TRAPPC6A: variants seen among roughly 807,000 people sequenced by gnomAD.
The protein encoded by TRAPPC6A is TRAPP complex subunit 6A.
TRAPPC6A carries 25 observed loss-of-function variants against 20.8 expected under a neutral mutation model. The ratio of observed to expected loss-of-function variants is 1.20; its 90% CI spans 0.88 to 1.68. The LOEUF (loss-of-function observed/expected upper bound fraction) is 1.68. TRAPPC6A is among the 40% of genes most tolerant of loss of function. TRAPPC6A has a pLI of 0.00. For missense variants in TRAPPC6A, 215 were observed against 211.6 expected, an observed-to-expected ratio of 1.02 and a Z score of -0.10; for synonymous variants, 96 against 93.3, an observed-to-expected ratio of 1.03 and a Z score of -0.16.
rs553868281 is a variant in TRAPPC6A, at chr19:45,173,207, C to T, written c.84+4928G>A. Among the ~76,000 whole-genome samples, 3 of 151,890 alleles carry T rather than the reference C, an allele frequency of 2.0e-5. No homozygotes were observed. The highest frequency in any genetic ancestry group is 4.8e-5 in the African/African-American group (2 of 41,280). On this transcript the variant is annotated intron_variant, in intron 1 of 5. Transcript: ENST00000585934. This position sits in a 1 kb window ranked among gnomAD's most constrained non-coding sequence, Gnocchi z 4.8. ...CAAAGCCTCTGAGGTAGAAAAGCCA[C>T]GGCTGCTTCCTCCAAGGGCTTCTCC...
chr19:45,164,940 C>T lies in TRAPPC6A; in HGVS notation c.183G>A (p.Glu61=). Residue 61 remains glutamate (E), a synonymous_variant, in exon 3 of 6, where the codon GAG becomes GAA. Transcript: ENST00000585934. ...RLPRETLAFR[E]ELDVLKFLCK... is the part of the protein sequence containing the mutation. ...ACAAGAACTTGAGGACATCCAGCTC[C>T]TCCCTGAAGGCCAGCGTCTCCCGGG... The T allele has an allele frequency of 1.2e-6, 2 of 1,614,184 alleles. No individual in the cohort carries two copies. The highest frequency in any genetic ancestry group is 1.7e-6 in the Non-Finnish European group (2 of 1,180,012).
In TRAPPC6A at chr19:45,172,886, C is replaced by T. The variant is rs1174706288; in HGVS notation, c.84+5249G>A. On this transcript the variant is annotated intron_variant, in intron 1 of 5. Coordinates refer to ENST00000585934, the MANE Select transcript of TRAPPC6A (RefSeq NM_001270891.2). The surrounding 1 kb of genome is among the most constrained non-coding windows in gnomAD (Gnocchi z 4.2). ...TAAACCCGGCTATGGCTCCCACTGC[C>T]TTCGGGATGGAGCCCCAGTTCCCAG... is the stretch of plus-strand genomic sequence containing the variant. 1.3e-5 allele frequency among the ~76,000 whole-genome samples: 2 copies of T among 151,736 alleles called. No individual in the cohort carries two copies. The highest frequency in any genetic ancestry group is 4.9e-5 in the African/African-American group (2 of 41,006).
At chr19:45,167,436 A>G (rs1334361246) in intron 1 of TRAPPC6A, among the ~76,000 whole-genome samples, 1 of 152,244 alleles carries the variant, frequency 6.6e-6, no homozygotes. Flanking sequence ...TGTGAGCTAT[A>G]CATACGTTTA....
rs201193290 is a variant in TRAPPC6A at position 45,164,243 on chromosome 19, G to A, written c.275C>T (p.Thr92Ile). 1.1e-4 allele frequency: 169 copies of A among 1,603,014 alleles called. 1 individual carries two copies. The Admixed American group carries it at 1.8e-3, about 17-fold the overall frequency. ...GAAGCTGTTGTCTTGCAGGACGTAGGTCCCCTGGGGGAGAGGAGAGGCTGG... is the reference window on the plus strand; with the variant it reads ...GAAGCTGTTGTCTTGCAGGACGTAGATCCCCTGGGGGAGAGGAGAGGCTGG... ...MDSLRTNHQG[T>I]YVLQDNSFPL... is the part of the protein sequence containing the mutation. The change falls in exon 4 of 6, where the codon ACC (threonine) becomes ATC (isoleucine). Residue 92 changes from threonine to isoleucine, a missense_variant. By Grantham distance (89) the Thr-to-Ile change is moderately conservative. Coordinates refer to ENST00000585934, the MANE Select transcript of TRAPPC6A (RefSeq NM_001270891.2).
rs1969052801 is a variant in TRAPPC6A, at chr19:45,163,315, C to T, written c.449-92G>A. 3 of 1,406,114 alleles carry T rather than the reference C, an allele frequency of 2.1e-6. No individual in the cohort carries two copies. Among genetic ancestry groups the T allele is most frequent in the East Asian group, 2.4e-5 (1 of 42,546 alleles). 87.1% of individuals were successfully genotyped at this position (1,406,114 alleles called of 1,614,324 possible). A position where few individuals can be genotyped will look rare whatever the true frequency, so the allele number is the denominator to read the frequency against. On this transcript the variant is annotated intron_variant, in intron 5 of 5. Coordinates refer to ENST00000585934, the MANE Select transcript of TRAPPC6A (RefSeq NM_001270891.2). This position sits in a 1 kb window ranked among gnomAD's most constrained non-coding sequence, Gnocchi z 5.3. ...CTTAGGCGCTCACCCCCGTCCTGCA[C>T]TGACACCCCAGTGGCTAGGTTGGGC... is the stretch of plus-strand genomic sequence containing the variant.
intron 1 of TRAPPC6A, among the ~76,000 whole-genome samples, chr19:45,174,451 C>T (rs1969323873): frequency 1.3e-5 from 2 of 152,148 alleles, no homozygotes; most frequent in African/African-American, 4.8e-5. Flanking sequence ...TCAATACACA[C>T]CCAGGCCCAT....
At chr19:45,167,999 T>TC (rs1213176237) in intron 1 of TRAPPC6A, among the ~76,000 whole-genome samples, 5 of 135,118 alleles carry the variant, frequency 3.7e-5, no homozygotes, top group African/African-American at 1.2e-4. Context: ...CTGTCTTTTT[T>TC]TTTTTTTTTT....
In TRAPPC6A at chr19:45,164,257, A is replaced by G. The variant is rs116132789; in HGVS notation, c.271-10T>C. On this transcript the variant is annotated splice_polypyrimidine_tract_variant and intron_variant, in intron 3 of 5. Coordinates refer to ENST00000585934, the MANE Select transcript of TRAPPC6A (RefSeq NM_001270891.2). ...GCAGGACGTAGGTCCCCTGGGGGAGAGGAGAGGCTGGTGGGTGGGGTCGGG... is the reference window on the plus strand; with the variant it reads ...GCAGGACGTAGGTCCCCTGGGGGAGGGGAGAGGCTGGTGGGTGGGGTCGGG... 1.1e-3 allele frequency: 1,745 copies of G among 1,586,374 alleles called. 16 individuals are homozygous for G. The African/African-American group carries it at 0.02, about 18-fold the overall frequency.
rs538015211 is a variant in TRAPPC6A at position 45,168,048 on chromosome 19, G to C, written c.85-2854C>G. 2.2e-3 allele frequency among the ~76,000 whole-genome samples: 324 copies of C among 144,320 alleles called. 1 individual carries two copies. Among genetic ancestry groups the C allele is most frequent in the Non-Finnish European group, 3.5e-3 (234 of 66,996 alleles). The allele number at this position is 144,320 out of a possible 152,430, so 94.7% of individuals were successfully genotyped here. On this transcript the variant is annotated intron_variant, in intron 1 of 5. Transcript: ENST00000585934. Reference sequence around the variant, plus strand: ...GACAGAGTCTCGCCCTGTCGCCCAGGCTGGAGTGCAGTGGCGCAATCTCGG... The same window carrying C: ...GACAGAGTCTCGCCCTGTCGCCCAGCCTGGAGTGCAGTGGCGCAATCTCGG...
intron 3 of TRAPPC6A, 173 bp downstream of exon 3, chr19:45,164,680 C>T (rs184683140): frequency 1.5e-5 from 10 of 647,824 alleles, no homozygotes; most frequent in Non-Finnish European, 2.5e-5. Flanking sequence ...TATGCCCCAG[C>T]GCAGCCTCCT....
rs1969289291 is a variant in TRAPPC6A at position 45,172,638 on chromosome 19, C to A, written c.84+5497G>T. Among the ~76,000 whole-genome samples the A allele has an allele frequency of 6.6e-6, 1 of 151,644 alleles. No homozygotes were observed. The highest frequency in any genetic ancestry group is 2.4e-5 in the African/African-American group (1 of 40,936). The stretch of plus-strand genomic sequence containing the variant: ...CCTGCTGTTGCCCTCAACTCTCCTC[C>A]CTGGTCCAGCAAGGCATCCTGAGCA... On this transcript the variant is annotated intron_variant, in intron 1 of 5. Coordinates refer to ENST00000585934, the MANE Select transcript of TRAPPC6A (RefSeq NM_001270891.2). This position sits in a 1 kb window ranked among gnomAD's most constrained non-coding sequence, Gnocchi z 4.2.
chr19:45,164,104 G>A (rs1031947697), intron 4 of TRAPPC6A, 60 bp downstream of exon 4: 20 of 1,557,132 alleles, frequency 1.3e-5, no homozygotes, highest in Non-Finnish European at 1.7e-5. Flanking sequence ...CCTGATGTGG[G>A]ATGGGGCTGG....
In TRAPPC6A at chr19:45,163,250, T is replaced by C; in HGVS notation, c.449-27A>G. The C allele has an allele frequency of 6.2e-7, 1 of 1,613,290 alleles. No individual in the cohort carries two copies. Among genetic ancestry groups the C allele is most frequent in the Non-Finnish European group, 8.5e-7 (1 of 1,179,636 alleles). On this transcript the variant is annotated intron_variant, in intron 5 of 5. Transcript: ENST00000585934. The surrounding 1 kb of genome is among the most constrained non-coding windows in gnomAD (Gnocchi z 5.3). The stretch of plus-strand genomic sequence containing the variant: ...TGGAAGAGAAGGCCTGGCTTAGGCT[T>C]GAGGATGGGATGGGGGAGGCAGAGG...
rs1051274215 is a variant in TRAPPC6A at position 45,163,852 on chromosome 19, TG to T, written c.448+63del. ...CCAGGCACACACACAGGAGTGGGGC[TG>T]GAACTCTGAAGCCCCCAGCAACTCA... is the stretch of plus-strand genomic sequence containing the variant. On this transcript the variant is annotated intron_variant, in intron 5 of 5. Coordinates refer to ENST00000585934, the MANE Select transcript of TRAPPC6A (RefSeq NM_001270891.2). The surrounding 1 kb of genome is among the most constrained non-coding windows in gnomAD (Gnocchi z 5.3). 3.4e-5 allele frequency: 49 copies of T among 1,420,872 alleles called. No individual in the cohort carries two copies. Among genetic ancestry groups the T allele is most frequent in the Non-Finnish European group, 4.6e-5 (47 of 1,032,548 alleles). The allele number at this position is 1,420,872 out of a possible 1,614,324, so 88.0% of individuals were successfully genotyped here. A position where few individuals can be genotyped will look rare whatever the true frequency, so the allele number is the denominator to read the frequency against.
chr19:45,172,594 G>A lies in TRAPPC6A; in HGVS notation c.84+5541C>T, dbSNP rs550661533. Among the ~76,000 whole-genome samples the A allele has an allele frequency of 1.3e-5, 2 of 151,578 alleles. No individual in the cohort carries two copies. The highest frequency in any genetic ancestry group is 1.9e-4 in the East Asian group (1 of 5,190). The stretch of plus-strand genomic sequence containing the variant: ...AGATGGGTGAGTGAGGGGTGGGTGC[G>A]AGAAGCCTGCAGGACTTCCCTGCTG... On this transcript the variant is annotated intron_variant, in intron 1 of 5. Coordinates refer to ENST00000585934, the MANE Select transcript of TRAPPC6A (RefSeq NM_001270891.2). This position sits in a 1 kb window ranked among gnomAD's most constrained non-coding sequence, Gnocchi z 4.2.
At chr19:45,176,149 C>T (rs575722520) in intron 1 of TRAPPC6A, among the ~76,000 whole-genome samples, 8 of 152,178 alleles carry the variant, frequency 5.3e-5, no homozygotes, top group South Asian at 2.1e-4. Context: ...TGTGTCATCA[C>T]GCCCAGCTAA....
rs932209228 is a variant in TRAPPC6A at position 45,178,205 on chromosome 19, A to C, written c.14T>G (p.Val5Gly). 6.2e-7 allele frequency: 1 copy of C among 1,607,738 alleles called. No homozygotes were observed. The highest frequency in any genetic ancestry group is 1.1e-5 in the South Asian group (1 of 90,812). Residue 5 changes from valine (V) to glycine (G), a missense_variant, in exon 1 of 6, where the codon GTG becomes GGG. By Grantham distance (109) the Val-to-Gly change is moderately radical. Coordinates refer to ENST00000585934, the MANE Select transcript of TRAPPC6A (RefSeq NM_001270891.2). MADT[V>G]LFEFLHTEMV... ...CTCCGTGTGAAGAAACTCAAACAACACAGTATCCGCCATGCCCCCTCCTCG... is the reference window on the plus strand; with the variant it reads ...CTCCGTGTGAAGAAACTCAAACAACCCAGTATCCGCCATGCCCCCTCCTCG...
chr19:45,171,487 A>C (rs1233488533), intron 1 of TRAPPC6A, among the ~76,000 whole-genome samples: 5 of 152,190 alleles, frequency 3.3e-5, no homozygotes, highest in African/African-American at 1.2e-4. Flanking sequence ...AAGTCTTATC[A>C]GTGTCGGTGC....
At chr19:45,174,815 C>G (rs1228900545) in intron 1 of TRAPPC6A, among the ~76,000 whole-genome samples, 2 of 151,766 alleles carry the variant, frequency 1.3e-5, no homozygotes, top group Non-Finnish European at 2.9e-5. Flanking sequence ...GGTGACAGAG[C>G]AAGACTCTCT....
Sources: allele counts gnomAD v4.1 joint callset (sites outside exome capture counted in the v4.1 genomes callset), GRCh38; gene constraint gnomAD v4.1.1; non-coding constraint Gnocchi (gnomAD v3.1); transcripts MANE v1.5; gene names NCBI Gene and HGNC (gene_info 2026-07-23, HGNC 2026-07-21).